Variants in FMO5 observed in about 807,000 individuals in gnomAD.
FMO5 encodes flavin containing dimethylaniline monoxygenase 5, also known as flavin-containing monooxygenase 5.
In FMO5, 51 loss-of-function variants were observed where a neutral mutation model predicts 43.6. That is an observed-to-expected ratio of 1.17 (90% CI 0.93 to 1.48). FMO5 has a LOEUF of 1.48. Among genes scored for constraint, FMO5 ranks in the 40% most tolerant of loss-of-function variants. The probability of loss-of-function intolerance (pLI) is 0.00; values close to 1 mark genes in which losing one functional copy is unlikely to be tolerated. For synonymous variants in FMO5, 187 were observed against 216.5 expected (o/e 0.86, Z 1.20); for missense variants, 644 against 643.0 (o/e 1.00, Z -0.02).
intron 7 of FMO5, among the ~76,000 whole-genome samples, chr1:147,194,636 T>C (rs1657607158): frequency 2.0e-5 from 3 of 152,164 alleles, no homozygotes; most frequent in Admixed American, 2.0e-4. Context: ...GTTTTTGCAG[T>C]GGCTGGTACC....
chr1:147,206,875 T>C (rs1005410867), intron 6 of FMO5, among the ~76,000 whole-genome samples: 6 of 151,942 alleles, frequency 3.9e-5, no homozygotes, highest in East Asian at 1.9e-4. Context: ...ATGGCACATA[T>C]ATACATATAT....
At chr1:147,208,326 CCAAAGAGA>C in intron 6 of FMO5, 1 of 152,350 alleles carries the variant, frequency 6.6e-6, no homozygotes, top group African/African-American at 2.4e-5. Context: ...AGGGTTACTG[CCAAAGAGA>C]ATTCTAGATT....
At chr1:147,224,750 T>C in intron 2 of FMO5, 145 bp downstream of exon 2, 1 of 697,058 alleles carries the variant, frequency 1.4e-6, no homozygotes, top group Admixed American at 2.2e-5. Context: ...GACCTCGTGA[T>C]CCGCCCGCCT....
intron 2 of FMO5, among the ~76,000 whole-genome samples, chr1:147,222,394 A>G (rs1250563359): frequency 6.6e-6 from 1 of 152,132 alleles, no homozygotes; most frequent in Non-Finnish European, 1.5e-5. Context: ...AGAGCAGGGG[A>G]TGGAAGTTGG....
intron 1 of FMO5, 76 bp downstream of exon 1, chr1:147,225,211 T>C (rs1332340406): frequency 7.0e-7 from 1 of 1,429,186 alleles, no homozygotes; most frequent in South Asian, 1.5e-5. Flanking sequence ...AGAGGAAATC[T>C]TTCTGCTGGC....
intron 7 of FMO5, among the ~76,000 whole-genome samples, chr1:147,199,751 T>C (rs1039967084): frequency 1.3e-5 from 2 of 152,214 alleles, no homozygotes; most frequent in Admixed American, 1.3e-4. Context: ...AGGTAGTACA[T>C]AATCTGCTGG....
At chr1:147,193,919 A>G (rs1401066727) in intron 7 of FMO5, among the ~76,000 whole-genome samples, 2 of 152,076 alleles carry the variant, frequency 1.3e-5, no homozygotes, top group African/African-American at 4.8e-5. Context: ...GGAGTGCTTT[A>G]CTTCCAACTA....
chr1:147,194,624 A>G (rs1277387750), intron 7 of FMO5, among the ~76,000 whole-genome samples: 14 of 152,064 alleles, frequency 9.2e-5, no homozygotes, highest in African/African-American at 3.4e-4. Flanking sequence ...ACATTTTGGC[A>G]TGTTTTTGCA....
At chr1:147,184,809 T>C (rs79676386), downstream of FMO5, among the ~76,000 whole-genome samples, 676 of 152,200 alleles carry the variant, frequency 4.4e-3, 6 homozygotes, top group African/African-American at 0.016. The surrounding 1 kb of genome is among the most constrained non-coding windows in gnomAD (Gnocchi z 4.4). Context: ...CCTTTCCATA[T>C]GTAATTTTTG....
intron 8 of FMO5, among the ~76,000 whole-genome samples, chr1:147,187,845 GTTGA>G (rs1655905013): frequency 6.6e-6 from 1 of 152,212 alleles, no homozygotes; most frequent in African/African-American, 2.4e-5. Flanking sequence ...GGAAAATGTG[GTTGA>G]TTAACAGTGA....
downstream of FMO5, chr1:147,184,557 C>T (rs1553916684): frequency 1.3e-6 from 2 of 1,549,026 alleles, no homozygotes; most frequent in South Asian, 2.4e-5. This position sits in a 1 kb window ranked among gnomAD's most constrained non-coding sequence, Gnocchi z 4.4. Flanking sequence ...ATGATCTTGA[C>T]AGTTTTGAGG....
At chr1:147,193,485 G>GT (rs1553919010) in intron 7 of FMO5, among the ~76,000 whole-genome samples, 2 of 152,046 alleles carry the variant, frequency 1.3e-5, no homozygotes, top group Non-Finnish European at 2.9e-5. Flanking sequence ...TTTTTGAAGG[G>GT]TTTTTTGTGA....
chr1:147,192,836 C>T (rs1234622960), intron 7 of FMO5, among the ~76,000 whole-genome samples: 1 of 152,112 alleles, frequency 6.6e-6, no homozygotes, highest in Admixed American at 6.5e-5. Context: ...GTATGTTGAA[C>T]CAGCCTTGCA....
intron 6 of FMO5, chr1:147,203,391 G>T: frequency 1.0e-6 from 1 of 993,718 alleles, no homozygotes; most frequent in Non-Finnish European, 1.6e-6. Flanking sequence ...CATTAGCAGC[G>T]AGTTTGATAG....
At chr1:147,188,949 G>T (rs1656157460) in intron 8 of FMO5, among the ~76,000 whole-genome samples, 1 of 152,054 alleles carries the variant, frequency 6.6e-6, no homozygotes, top group African/African-American at 2.4e-5. Flanking sequence ...GTGAGAAGAA[G>T]GAAAATGAAG....
At chr1:147,204,298 A>G in intron 6 of FMO5, 2 of 966,194 alleles carry the variant, frequency 2.1e-6, no homozygotes, top group Non-Finnish European at 3.4e-6. Flanking sequence ...AGAGGAAGTG[A>G]TACCACAGCC....
At chr1:147,212,312 T>A in intron 5 of FMO5, 81 bp downstream of exon 5, 1 of 1,428,366 alleles carries the variant, frequency 7.0e-7, no homozygotes, top group Non-Finnish European at 9.8e-7. Flanking sequence ...ATCCCTATTC[T>A]CTGTTGGGTC....
At chr1:147,189,229 G>A (rs1199577434) in intron 8 of FMO5, among the ~76,000 whole-genome samples, 2 of 151,662 alleles carry the variant, frequency 1.3e-5, no homozygotes, top group African/African-American at 4.9e-5. Flanking sequence ...AGCGAAGATC[G>A]TGCCACTTAC....
At chr1:147,218,289 G>A (rs186890896) in intron 2 of FMO5, among the ~76,000 whole-genome samples, 69 of 151,636 alleles carry the variant, frequency 4.6e-4, no homozygotes, top group Middle Eastern at 3.4e-3. Flanking sequence ...AGGCTGGAGT[G>A]CAGTAGCACG....
Sources: gnomAD v4.1 joint callset for allele counts (sites outside exome capture counted in the v4.1 genomes callset) on GRCh38, gnomAD v4.1.1 for gene constraint, Gnocchi (gnomAD v3.1) non-coding constraint, MANE v1.5 for transcripts, NCBI Gene and HGNC (gene_info 2026-07-23, HGNC 2026-07-21) for gene names.